The following ROBO2 variants were observed in gnomAD, a reference collection of about 807,000 sequenced individuals.
The protein encoded by ROBO2 is roundabout homolog 2.
In ROBO2, 53 loss-of-function variants were observed where a neutral mutation model predicts 160.8. The ratio of observed to expected loss-of-function variants is 0.33; its 90% CI spans 0.26 to 0.41. ROBO2 has a LOEUF of 0.41. Among genes scored for constraint, ROBO2 ranks in the 10% least tolerant of loss-of-function variants. ROBO2 has a pLI of 1.00. For synonymous variants in ROBO2, 664 were observed against 611.7 expected (o/e 1.09, Z -1.26); for missense variants, 1,577 against 1,722.4 (o/e 0.92, Z 1.49).
At chr3:76,686,761 A>G (rs556294713) in intron 2 of ROBO2, among the ~76,000 whole-genome samples, 1 of 152,218 alleles carries the variant, frequency 6.6e-6, no homozygotes, top group Non-Finnish European at 1.5e-5. Context: ...GTTCAAGACC[A>G]GCCTTGGCAA....
chr3:76,409,906 G>T (rs1311736677), intron 2 of ROBO2, among the ~76,000 whole-genome samples: 1 of 152,072 alleles, frequency 6.6e-6, no homozygotes. Context: ...TCTATTTCTA[G>T]CAAAAGTGCT....
chr3:76,916,100 T>TG lies in ROBO2; in HGVS notation c.110-181908dup, dbSNP rs1352840872. 2.0e-5 allele frequency among the ~76,000 whole-genome samples: 3 copies of TG among 152,144 alleles called. No individual in the cohort carries two copies. The East Asian group carries it at 5.8e-4, about 29-fold the overall frequency. On this transcript the variant is annotated intron_variant, in intron 2 of 26. Coordinates refer to the ROBO2 transcript ENST00000487694. Reference sequence around the variant, plus strand: ...GGTTTCAATATATGAATTTGGGGGCTGGGGGGACGCAGTCCAAATCAGATA... The same window carrying TG: ...GGTTTCAATATATGAATTTGGGGGCTGGGGGGGACGCAGTCCAAATCAGATA...
intron 2 of ROBO2, among the ~76,000 whole-genome samples, chr3:76,860,921 G>T (rs991362903): frequency 3.3e-5 from 5 of 152,098 alleles, no homozygotes; most frequent in Non-Finnish European, 7.4e-5. Flanking sequence ...GTGTATGTGT[G>T]TTTGATAAAA....
rs557295234 is a variant in ROBO2 at position 76,989,823 on chromosome 3, A to T, written c.110-108191A>T. On this transcript the variant is annotated intron_variant, in intron 2 of 26. Transcript: ENST00000487694. ...ATGACAGGTGAAATAAAATTTTCTT[A>T]TATAGTTTGTCTGTGTGTATGTGTG... 4.6e-5 allele frequency among the ~76,000 whole-genome samples: 7 copies of T among 152,268 alleles called. No homozygotes were observed. The East Asian group carries it at 1.4e-3, about 29-fold the overall frequency.
intron 2 of ROBO2, among the ~76,000 whole-genome samples, chr3:76,297,239 T>C (rs1031665074): frequency 6.6e-6 from 1 of 152,182 alleles, no homozygotes; most frequent in African/African-American, 2.4e-5. Flanking sequence ...AACAACCACA[T>C]ACTTTCAAGT....
chr3:76,186,518 T>G (rs1175091033), intron 2 of ROBO2, among the ~76,000 whole-genome samples: 2 of 7,110 alleles, frequency 2.8e-4, no homozygotes, highest in Non-Finnish European at 0.03. Flanking sequence ...AAGGAGTATC[T>G]GTTTTTCTCA....
chr3:77,015,397 G>T (rs1342103992), intron 2 of ROBO2, among the ~76,000 whole-genome samples: 3 of 152,136 alleles, frequency 2.0e-5, no homozygotes, highest in African/African-American at 7.2e-5. Flanking sequence ...TCTTTTCCTT[G>T]CCTTTGATAT....
chr3:76,901,568 C>CAA (rs34372046), intron 2 of ROBO2, among the ~76,000 whole-genome samples: 25,336 of 75,784 alleles, frequency 0.33, 4,382 homozygotes, highest in Non-Finnish European at 0.37. Context: ...AATTTCATCT[C>CAA]AAAAAAAAAA....
chr3:77,558,470 A>G (rs1481322130), intron 9 of ROBO2, among the ~76,000 whole-genome samples: 2 of 152,124 alleles, frequency 1.3e-5, no homozygotes, highest in East Asian at 3.9e-4. Flanking sequence ...TGACAAAAAC[A>G]ACAAATGCTT....
At chr3:76,872,950 G>A (rs772896688) in intron 2 of ROBO2, among the ~76,000 whole-genome samples, 6 of 152,004 alleles carry the variant, frequency 3.9e-5, no homozygotes, top group Non-Finnish European at 8.8e-5. Context: ...TTAGATACTG[G>A]CAATTTTAAA....
At chr3:77,093,553 C>G (rs2150041263) in intron 1 of ROBO2, among the ~76,000 whole-genome samples, 1 of 152,178 alleles carries the variant, frequency 6.6e-6, no homozygotes, top group Admixed American at 6.5e-5. Context: ...CTACTGCCTC[C>G]CCCTTAACAA....
In ROBO2 at chr3:76,972,278, C is replaced by G. The variant is rs188043445; in HGVS notation, c.110-125736C>G. ...GTGTTTGGAACTGAGCCACATTTCC[C>G]TAACTGCCATTCAAAAATAATGTTT... On this transcript the variant is annotated intron_variant, in intron 2 of 26. Coordinates refer to the ROBO2 transcript ENST00000487694. 4.8e-3 allele frequency among the ~76,000 whole-genome samples: 735 copies of G among 152,144 alleles called. 4 individuals carry two copies. Among genetic ancestry groups the G allele is most frequent in the African/African-American group, 0.014 (594 of 41,520 alleles).
At chr3:76,084,489 A>C (rs2068940809) in intron 2 of ROBO2, among the ~76,000 whole-genome samples, 1 of 152,168 alleles carries the variant, frequency 6.6e-6, no homozygotes, top group African/African-American at 2.4e-5. Context: ...AACAGAAAGG[A>C]TGAGGAATTT....
At chr3:77,056,289 A>C (rs984541432) in intron 1 of ROBO2, among the ~76,000 whole-genome samples, 4 of 152,112 alleles carry the variant, frequency 2.6e-5, no homozygotes, top group African/African-American at 9.7e-5. Context: ...TTGTCCCCCA[A>C]CCACCGTTTG....
chr3:76,892,772 C>T (rs528281781), intron 2 of ROBO2, among the ~76,000 whole-genome samples: 3 of 152,240 alleles, frequency 2.0e-5, no homozygotes, highest in Admixed American at 2.0e-4. Flanking sequence ...GAAACAAGAA[C>T]TCTCACTTCT....
intron 2 of ROBO2, among the ~76,000 whole-genome samples, chr3:76,128,872 A>G (rs897371498): frequency 6.6e-6 from 1 of 152,102 alleles, no homozygotes; most frequent in African/African-American, 2.4e-5. Flanking sequence ...TCTTCACAAT[A>G]AAAGGAGGAG....
chr3:76,410,585 ATCTT>A (rs1333765712), intron 2 of ROBO2, among the ~76,000 whole-genome samples: 1 of 152,006 alleles, frequency 6.6e-6, no homozygotes, highest in Non-Finnish European at 1.5e-5. Flanking sequence ...CCTATTTTTA[ATCTT>A]TCTTTGCCTT....
intron 2 of ROBO2, among the ~76,000 whole-genome samples, chr3:76,914,081 C>T (rs1020834080): frequency 6.6e-5 from 10 of 152,126 alleles, no homozygotes; most frequent in African/African-American, 9.7e-5. Context: ...GTTAGCAATG[C>T]ACTTTTGCAA....
At chr3:77,188,968 T>TGTGA (rs550237793) in intron 2 of ROBO2, among the ~76,000 whole-genome samples, 230 of 142,288 alleles carry the variant, frequency 1.6e-3, no homozygotes, top group African/African-American at 5.3e-3. Context: ...TGTGTGTGTG[T>TGTGA]GAGAGAGAGA....
Sources: gnomAD v4.1 joint callset for allele counts (sites outside exome capture counted in the v4.1 genomes callset) on GRCh38, gnomAD v4.1.1 for gene constraint, MANE v1.5 for transcripts, NCBI Gene and HGNC (gene_info 2026-07-23, HGNC 2026-07-21) for gene names.